Variants in ACP7 observed in about 807,000 individuals in gnomAD.
ACP7 encodes acid phosphatase 7, tartrate resistant (putative).
Under a neutral mutation model 60.6 loss-of-function variants are expected in ACP7, and 58 were observed. That is an observed-to-expected ratio of 0.96 (90% confidence interval 0.77 to 1.19). The LOEUF (loss-of-function observed/expected upper bound fraction) is 1.19, where lower values mean the gene tolerates loss of function less well. Ranked by LOEUF, ACP7 falls within the 50% of genes most tolerant of loss-of-function variation. ACP7 has a pLI of 0.00. For synonymous variants in ACP7, 237 were observed against 232.6 expected, an observed-to-expected ratio of 1.02 and a Z score of -0.17; for missense variants, 574 against 596.2, an observed-to-expected ratio of 0.96 and a Z score of 0.39.
intron 2 of ACP7, among the ~76,000 whole-genome samples, chr19:39,087,853 C>T (rs552391341): frequency 2.8e-4 from 42 of 151,832 alleles, no homozygotes; most frequent in Admixed American, 4.6e-4. Flanking sequence ...AGGCTGGCCT[C>T]GAACTCCTGA....
At chr19:39,085,531 G>T in intron 2 of ACP7, 141 bp downstream of exon 2, 1 of 1,195,722 alleles carries the variant, frequency 8.4e-7, no homozygotes, top group Non-Finnish European at 1.1e-6. Flanking sequence ...CACCTCTGTG[G>T]AATAGGAAGT....
chr19:39,106,864 C>A, intron 11 of ACP7, 83 bp from the exon 12 acceptor site: 1 of 1,538,462 alleles, frequency 6.5e-7, no homozygotes, highest in Non-Finnish European at 8.9e-7. Context: ...TTGAGGGCAG[C>A]AGGGTCCTGG....
chr19:39,101,642 C>T, intron 11 of ACP7, 105 bp downstream of exon 11: 1 of 1,271,582 alleles, frequency 7.9e-7, no homozygotes. Flanking sequence ...GTGGATATCA[C>T]TTAACCCTCA....
intron 2 of ACP7, among the ~76,000 whole-genome samples, chr19:39,089,864 A>T (rs2073184877): frequency 6.6e-6 from 1 of 152,168 alleles, no homozygotes; most frequent in South Asian, 2.1e-4. Flanking sequence ...TGTGGCTGTG[A>T]CTTATTGCTG....
chr19:39,102,497 G>A (rs1174049732), intron 11 of ACP7, among the ~76,000 whole-genome samples: 1 of 150,796 alleles, frequency 6.6e-6, no homozygotes, highest in Non-Finnish European at 1.5e-5. Flanking sequence ...GCTAATTTTT[G>A]TACTTTTGGT....
At position 39,099,066 on chromosome 19, in the gene ACP7, G is replaced by A. The variant is rs1425483865; in HGVS notation, c.429G>A (p.Gly143=). 6.2e-7 allele frequency: 1 copy of A among 1,610,130 alleles called. No individual in the cohort carries two copies. Among genetic ancestry groups the A allele is most frequent in the South Asian group, 1.1e-5 (1 of 90,742 alleles). ...GTCTGGCTGTGTTTGGAGACCTGGG[G>A]GCTGACAACCCGAAGGCCGTCCCCC... ...SPRLAVFGDL[G]ADNPKAVPRL... Residue 143 remains glycine (G), a synonymous_variant, in exon 4 of 13, where the codon GGG becomes GGA. Transcript: ENST00000331256.
intron 11 of ACP7, among the ~76,000 whole-genome samples, chr19:39,102,207 A>G (rs534248600): frequency 6.0e-5 from 9 of 150,896 alleles, no homozygotes; most frequent in Non-Finnish European, 8.8e-5. Context: ...TAATCCCAGT[A>G]CTTTGGGAGG....
chr19:39,094,985 A>G (rs145965809), intron 2 of ACP7, among the ~76,000 whole-genome samples: 195 of 152,240 alleles, frequency 1.3e-3, no homozygotes, highest in African/African-American at 4.4e-3. Context: ...TACCACAAGA[A>G]CTGCCCCCAT....
intron 4 of ACP7, 86 bp downstream of exon 4, chr19:39,099,228 T>C: frequency 1.5e-6 from 2 of 1,335,326 alleles, no homozygotes; most frequent in Non-Finnish European, 9.6e-7. Flanking sequence ...GGCGCGCGGG[T>C]CGGGGGCGGT....
intron 4 of ACP7, 74 bp downstream of exon 4, chr19:39,099,216 G>T (rs1452882859): frequency 1.1e-5 from 15 of 1,382,260 alleles, no homozygotes. Flanking sequence ...GCGCGGGTCG[G>T]GGGCGCGCGG....
At chr19:39,090,775 C>T (rs2073194502) in intron 2 of ACP7, among the ~76,000 whole-genome samples, 1 of 149,522 alleles carries the variant, frequency 6.7e-6, no homozygotes, top group Non-Finnish European at 1.5e-5. Flanking sequence ...AACTACTCGC[C>T]CAGCCTTCCC....
chr19:39,104,750 T>A (rs2073393500), intron 11 of ACP7, among the ~76,000 whole-genome samples: 1 of 151,906 alleles, frequency 6.6e-6, no homozygotes, highest in African/African-American at 2.4e-5. Context: ...CCGGGCATGG[T>A]GGTGGGCACC....
intron 4 of ACP7, 75 bp from the exon 5 acceptor site, chr19:39,100,152 A>T: frequency 6.3e-7 from 1 of 1,580,112 alleles, no homozygotes; most frequent in South Asian, 1.1e-5. Flanking sequence ...GTGAGTCACC[A>T]TACCTGGCTC....
At chr19:39,092,416 G>A (rs1012701782) in intron 2 of ACP7, among the ~76,000 whole-genome samples, 1 of 151,714 alleles carries the variant, frequency 6.6e-6, no homozygotes, top group African/African-American at 2.4e-5. Context: ...ATCATTTACA[G>A]GTGTGCCTGT....
In ACP7 at chr19:39,101,043, G is replaced by T. The variant is rs770475104; in HGVS notation, c.902G>T (p.Arg301Leu). ...CSNADLDDCT[R>L]HESKVRKGLQ... is the part of the protein sequence containing the mutation. ...AACGCAGATCTGGACGACTGCACACGACATGAAAGCAAGGTGAGGTCCCTC... is the reference window on the plus strand; with the variant it reads ...AACGCAGATCTGGACGACTGCACACTACATGAAAGCAAGGTGAGGTCCCTC... The change falls in exon 8 of 13, where the codon CGA (arginine) becomes CTA (leucine). Residue 301 changes from arginine (R) to leucine (L), a missense_variant. Coordinates refer to ENST00000331256, the MANE Select transcript of ACP7 (RefSeq NM_001004318.3). 6.2e-7 allele frequency: 1 copy of T among 1,614,026 alleles called. No individual in the cohort carries two copies. The highest frequency in any genetic ancestry group is 1.1e-5 in the South Asian group (1 of 91,082).
intron 2 of ACP7, among the ~76,000 whole-genome samples, chr19:39,087,813 T>C (rs907826470): frequency 6.6e-6 from 1 of 152,014 alleles, no homozygotes; most frequent in Non-Finnish European, 1.5e-5. Context: ...TTTGTATTTT[T>C]AGTAGAGACG....
intron 9 of ACP7, 26 bp downstream of exon 9, chr19:39,101,233 C>T: frequency 6.2e-7 from 1 of 1,614,134 alleles, no homozygotes; most frequent in Non-Finnish European, 8.5e-7. Flanking sequence ...GACCCATGCC[C>T]CACACCCCAC....
At chr19:39,098,253 C>CAAAAAAAAAAAAAAAAAAAA (rs59373149) in intron 2 of ACP7, among the ~76,000 whole-genome samples, 8 of 64,950 alleles carry the variant, frequency 1.2e-4, no homozygotes, top group Non-Finnish European at 1.9e-4. Context: ...GACCCTGACT[C>CAAAAAAAAAAAAAAAAAAAA]AAAAAAAAAA....
At chr19:39,093,057 CG>C (rs930194279) in intron 2 of ACP7, among the ~76,000 whole-genome samples, 1 of 151,038 alleles carries the variant, frequency 6.6e-6, no homozygotes, top group Non-Finnish European at 1.5e-5. Flanking sequence ...GGATTACAGG[CG>C]TGAGCCACCG....
Sources: allele counts gnomAD v4.1 joint callset (sites outside exome capture counted in the v4.1 genomes callset), GRCh38; gene constraint gnomAD v4.1.1; transcripts MANE v1.5; gene names NCBI Gene and HGNC (gene_info 2026-07-23, HGNC 2026-07-21).